The following INTS1 variants were observed in gnomAD, a reference collection of about 807,000 sequenced individuals.
INTS1 encodes integrator complex subunit 1.
A neutral mutation model predicts 241.6 loss-of-function variants in INTS1; 137 were observed. The observed-to-expected ratio is 0.57, with a 90% CI of 0.49 to 0.65. The LOEUF is 0.65. INTS1 is among the 30% of genes least tolerant of loss of function. INTS1 has a pLI of 0.00. For synonymous variants in INTS1, 1,692 were observed against 1,337.8 expected, an observed-to-expected ratio of 1.26 and a Z score of -5.78; for missense variants, 3,073 against 3,032.2, an observed-to-expected ratio of 1.01 and a Z score of -0.32.
In INTS1 at chr7:1,481,680, C is replaced by T. The variant is rs1037690254; in HGVS notation, c.3704-192G>A. Among the ~76,000 whole-genome samples the T allele has an allele frequency of 1.6e-4, 24 of 146,114 alleles. No individual in the cohort carries two copies. Among genetic ancestry groups the T allele is most frequent in the Middle Eastern group, 3.5e-3 (1 of 282 alleles). ...CAGCCCCACCTGAGACCCTGGGCCA[C>T]GTGGGCTCGGTGACCCCACCCAAGA... On this transcript the variant is annotated intron_variant, in intron 27 of 47. Transcript: ENST00000404767. The surrounding 1 kb of genome is among the most constrained non-coding windows in gnomAD (Gnocchi z 6.8).
intron 24 of INTS1, 131 bp downstream of exon 24, chr7:1,484,967 A>G: frequency 2.1e-6 from 1 of 482,530 alleles, no homozygotes; most frequent in South Asian, 2.1e-5. Context: ...CCAGGGCCAC[A>G]CTGCCGGCTG....
In INTS1 at chr7:1,497,047, G is replaced by T; in HGVS notation, c.1602+91C>A. 7.8e-7 allele frequency: 1 copy of T among 1,289,468 alleles called. No individual in the cohort carries two copies. Among genetic ancestry groups the T allele is most frequent in the Non-Finnish European group, 1.0e-6 (1 of 952,894 alleles). 79.9% of individuals were successfully genotyped at this position (1,289,468 alleles called of 1,614,324 possible). On this transcript the variant is annotated intron_variant, in intron 11 of 47. Transcript: ENST00000404767. This position sits in a 1 kb window ranked among gnomAD's most constrained non-coding sequence, Gnocchi z 5.3. ...CACGCTCAGCCAGAGCATCCGAAGG[G>T]GTGGAGTGTGCATGGGACCCAGGAC...
chr7:1,499,320 G>A lies in INTS1; in HGVS notation c.885C>T (p.Ser295=). The A allele has an allele frequency of 6.2e-7, 1 of 1,603,998 alleles. No individual in the cohort carries two copies. Among genetic ancestry groups the A allele is most frequent in the Non-Finnish European group, 8.5e-7 (1 of 1,175,444 alleles). Residue 295 remains serine (S), a synonymous_variant, in exon 7 of 48, where the codon AGC becomes AGT. Coordinates refer to ENST00000404767, the MANE Select transcript of INTS1 (RefSeq NM_001080453.3). ...PHPSLTEEED[S]QTELLIAEEK... Reference sequence around the variant, plus strand: ...CCTCCGCGATCAGCAACTCCGTCTGGCTGTCCTCCTCCTCCGTGAGGGAGG... The same window carrying A: ...CCTCCGCGATCAGCAACTCCGTCTGACTGTCCTCCTCCTCCGTGAGGGAGG...
At chr7:1,479,343 G>T in intron 31 of INTS1, 87 bp downstream of exon 31, 2 of 1,424,428 alleles carry the variant, frequency 1.4e-6, no homozygotes, top group Non-Finnish European at 9.4e-7. Context: ...GACCCACAGA[G>T]GAGCAGTCAC....
In INTS1 at chr7:1,482,607, C is replaced by A. The variant is rs1221843327; in HGVS notation, c.3642G>T (p.Leu1214=). ...FLVDTSEEAL[L]LPDWLKLRMI... ...TGCGCAGCTTCAGCCAGTCAGGAAGCAGCAGCGCCTCCTCCGATGTGTCCA... is the reference window on the plus strand; with the variant it reads ...TGCGCAGCTTCAGCCAGTCAGGAAGAAGCAGCGCCTCCTCCGATGTGTCCA... The change falls in exon 27 of 48, where the codon CTG becomes CTT. Residue 1214 remains leucine (L), a synonymous_variant. Transcript: ENST00000404767. The A allele has an allele frequency of 1.2e-6, 2 of 1,612,780 alleles. 1 individual carries two copies. Among genetic ancestry groups the A allele is most frequent in the Admixed American group, 3.3e-5 (2 of 60,012 alleles).
rs904049692 is a variant in INTS1, at chr7:1,478,965, G to A, written c.4330-80C>T. On this transcript the variant is annotated intron_variant, in intron 31 of 47. Transcript: ENST00000404767. ...GCACCCGAGGCCCAGAGCAGGGCCC[G>A]TGAGGCTGCTGAGACCTGCCGCGAC... 113 of 1,464,162 alleles carry A rather than the reference G, an allele frequency of 7.7e-5. 1 individual carries two copies. Among genetic ancestry groups the A allele is most frequent in the South Asian group, 4.7e-4 (36 of 76,482 alleles). The allele number at this position is 1,464,162 out of a possible 1,614,324, so 90.7% of individuals were successfully genotyped here. A position where few individuals can be genotyped will look rare whatever the true frequency, so the allele number is the denominator to read the frequency against.
chr7:1,471,216 C>G lies in INTS1; in HGVS notation c.6264G>C (p.Leu2088=). ...CCTCGGCCGAGCTCATCAGCCGCTG[C>G]AGGTTGGTCTGACCGGGGGAAAGGT... ...PEILSFFSTN[L]QRLMSSAEEC... The change falls in exon 46 of 48, where the codon CTG becomes CTC. Residue 2088 remains leucine (L), a synonymous_variant. Coordinates refer to ENST00000404767, the MANE Select transcript of INTS1 (RefSeq NM_001080453.3). The G allele has an allele frequency of 1.9e-6, 3 of 1,577,582 alleles. No individual in the cohort carries two copies. The African/African-American group carries it at 4.0e-5, about 21-fold the overall frequency.
intron 30 of INTS1, among the ~76,000 whole-genome samples, chr7:1,480,093 T>C (rs1781922916): frequency 6.6e-6 from 1 of 152,246 alleles, no homozygotes; most frequent in East Asian, 1.9e-4. Context: ...GGCGACCCCC[T>C]TCCCCAATGT....
At position 1,485,131 on chromosome 7, in the gene INTS1, C is replaced by T. The variant is rs1782191859; in HGVS notation, c.3228G>A (p.Val1076=). Residue 1076 remains valine, a synonymous_variant, in exon 24 of 48, where the codon GTG becomes GTA. Coordinates refer to ENST00000404767, the MANE Select transcript of INTS1 (RefSeq NM_001080453.3). ...GGTCGCTGTGCTGGGCCTGCTCCTC[C>T]ACAGGCGTGTGCTGGGACAAGTAGA... ...YLIYLSQHTP[V]EEQAQHSDLA... is the part of the protein sequence containing the mutation. 1 of 1,601,146 alleles carries T rather than the reference C, an allele frequency of 6.2e-7. No homozygotes were observed.
intron 31 of INTS1, 94 bp downstream of exon 31, chr7:1,479,336 C>G: frequency 7.2e-7 from 1 of 1,395,304 alleles, no homozygotes. Context: ...GACCCAAGAC[C>G]CACAGAGGAG....
At chr7:1,475,501 G>A (rs1234852526) in intron 39 of INTS1, among the ~76,000 whole-genome samples, 17 of 152,146 alleles carry the variant, frequency 1.1e-4, no homozygotes. Context: ...GGTACCAGCA[G>A]AAGACAGGCT....
Position 1,481,822 on chromosome 7 carries a change from C to G in INTS1, c.3704-334G>C, listed in dbSNP as rs771513466. Among the ~76,000 whole-genome samples the G allele has an allele frequency of 6.6e-6, 1 of 151,876 alleles. No individual in the cohort carries two copies. The highest frequency in any genetic ancestry group is 1.5e-5 in the Non-Finnish European group (1 of 67,928). ...GGTGACCCCACCCGAGACCTGGGGC[C>G]GCACAAGGGGGCAGCGTGTCGGGAC... On this transcript the variant is annotated intron_variant, in intron 27 of 47. Coordinates refer to ENST00000404767, the MANE Select transcript of INTS1 (RefSeq NM_001080453.3). The surrounding 1 kb of genome is among the most constrained non-coding windows in gnomAD (Gnocchi z 6.8).
At chr7:1,489,493 C>A in intron 17 of INTS1, 89 bp from the exon 18 acceptor site, 1 of 1,539,584 alleles carries the variant, frequency 6.5e-7, no homozygotes, top group African/African-American at 1.4e-5. Context: ...CTCTCATCCC[C>A]AGCTGGGCTC....
chr7:1,502,635 G>A (rs1043373977), intron 3 of INTS1, among the ~76,000 whole-genome samples: 6 of 152,164 alleles, frequency 3.9e-5, no homozygotes, highest in South Asian at 2.1e-4. Context: ...CAAAGGGGGC[G>A]TCCAACAGAC....
Position 1,497,323 on chromosome 7 carries a change from G to C in INTS1, c.1426-9C>G. ...AACACCATGGCCAGGAACTGGGGCA[G>C]AGAGAGGCCGCGTGGGAGGCTGCCC... is the stretch of plus-strand genomic sequence containing the variant. On this transcript the variant is annotated splice_polypyrimidine_tract_variant and intron_variant, in intron 10 of 47. Coordinates refer to ENST00000404767, the MANE Select transcript of INTS1 (RefSeq NM_001080453.3). The surrounding 1 kb of genome is among the most constrained non-coding windows in gnomAD (Gnocchi z 5.3). 1 of 1,609,474 alleles carries C rather than the reference G, an allele frequency of 6.2e-7. No homozygotes were observed. The highest frequency in any genetic ancestry group is 1.1e-5 in the South Asian group (1 of 90,676).
At position 1,476,430 on chromosome 7, in the gene INTS1, C is replaced by T. The variant is rs1562488108; in HGVS notation, c.5177G>A (p.Arg1726Gln). ...PQKRREELVLRVQGPELISLV... is the reference protein window; with the variant it reads ...PQKRREELVLQVQGPELISLV... ...GCTGATGAGCTCCGGGCCCTGGACC[C>T]GCAGCACCAGCTCCTCCCGCCGCTT... Residue 1726 changes from arginine (R) to glutamine (Q), a missense_variant, in exon 38 of 48, where the codon CGG becomes CAG. Arg to Gln is a conservative substitution (Grantham distance 43, BLOSUM62 1). Coordinates refer to ENST00000404767, the MANE Select transcript of INTS1 (RefSeq NM_001080453.3). 3 of 1,568,604 alleles carry T rather than the reference C, an allele frequency of 1.9e-6. No homozygotes were observed. Among genetic ancestry groups the T allele is most frequent in the South Asian group, 1.1e-5 (1 of 87,294 alleles).
At position 1,477,892 on chromosome 7, in the gene INTS1, G is replaced by C. The variant is rs1268839204; in HGVS notation, c.4675C>G (p.Leu1559Val). Reference protein sequence around the residue: ...IEVRSPHLEELLTAFFSATAD... With the variant: ...IEVRSPHLEEVLTAFFSATAD... ...GTGGCAGAGAAGAATGCAGTCAGCA[G>C]CTCCTCCAGGTGGGGGGACCTCACC... Residue 1559 changes from leucine to valine, a missense_variant, in exon 34 of 48, where the codon CTG becomes GTG. Leu to Val is a conservative substitution (Grantham distance 32). Coordinates refer to ENST00000404767, the MANE Select transcript of INTS1 (RefSeq NM_001080453.3). 1 of 1,612,634 alleles carries C rather than the reference G, an allele frequency of 6.2e-7. No homozygotes were observed. Among genetic ancestry groups the C allele is most frequent in the South Asian group, 1.1e-5 (1 of 91,090 alleles).
At chr7:1,499,404 C>G in intron 6 of INTS1, 44 bp from the exon 7 acceptor site, 1 of 1,540,084 alleles carries the variant, frequency 6.5e-7, no homozygotes, top group Middle Eastern at 1.8e-4. Context: ...TCCCACCCGC[C>G]CATCCTCCCA....
Position 1,504,005 on chromosome 7 carries a change from C to G in INTS1, c.-41-4G>C. ...CTCCCGGCGGCTGCGGCGTCACCTG[C>G]GGAGGAGCCAGCGTGCGGTCATTCC... On this transcript the variant is annotated splice_region_variant and splice_polypyrimidine_tract_variant and intron_variant, in intron 1 of 47. Coordinates refer to ENST00000404767, the MANE Select transcript of INTS1 (RefSeq NM_001080453.3). The G allele has an allele frequency of 7.0e-7, 1 of 1,436,754 alleles. No homozygotes were observed. The highest frequency in any genetic ancestry group is 9.5e-7 in the Non-Finnish European group (1 of 1,054,630). 89.0% of individuals were successfully genotyped at this position (1,436,754 alleles called of 1,614,324 possible). A position where few individuals can be genotyped will look rare whatever the true frequency, so the allele number is the denominator to read the frequency against.
Sources: gnomAD v4.1 joint callset for allele counts (sites outside exome capture counted in the v4.1 genomes callset) on GRCh38, gnomAD v4.1.1 for gene constraint, Gnocchi (gnomAD v3.1) non-coding constraint, MANE v1.5 for transcripts, NCBI Gene and HGNC (gene_info 2026-07-23, HGNC 2026-07-21) for gene names.